NEURL1: variants seen among roughly 807,000 people sequenced by gnomAD.
NEURL1 encodes the protein E3 ubiquitin-protein ligase NEURL1.
NEURL1 carries 26 observed loss-of-function variants against 41.2 expected under a neutral mutation model. That is an observed-to-expected ratio of 0.63 (90% confidence interval 0.46 to 0.87). The LOEUF is 0.87. NEURL1 is among the 40% of genes least tolerant of loss of function. The pLI, the probability that NEURL1 is intolerant of heterozygous loss-of-function variation, is 0.00. For missense variants in NEURL1, 761 were observed against 871.1 expected (o/e 0.87, Z 1.59); for synonymous variants, 400 against 402.3 (o/e 0.99, Z 0.07).
Position 103,589,502 on chromosome 10 carries a change from C to T in NEURL1, c.1340-12C>T. Reference sequence around the variant, plus strand: ...GCAGCTAGTGTGTCCTTCCCTCCCTCCCCTTTCACAGGCTCCACTATCCTG... The same window carrying T: ...GCAGCTAGTGTGTCCTTCCCTCCCTTCCCTTTCACAGGCTCCACTATCCTG... On this transcript the variant is annotated splice_polypyrimidine_tract_variant and intron_variant, in intron 4 of 5. Transcript: ENST00000369780. 1.3e-6 allele frequency: 2 copies of T among 1,586,280 alleles called. No individual in the cohort carries two copies. The highest frequency in any genetic ancestry group is 1.7e-6 in the Non-Finnish European group (2 of 1,164,462).
chr10:103,568,838 G>A (rs1252441205), intron 1 of NEURL1, among the ~76,000 whole-genome samples: 3 of 151,920 alleles, frequency 2.0e-5, no homozygotes, highest in African/African-American at 4.8e-5. Flanking sequence ...GTTTTGAGAC[G>A]GAGTCTTGCT....
intron 4 of NEURL1, among the ~76,000 whole-genome samples, chr10:103,587,757 A>G (rs369568205): frequency 6.6e-6 from 1 of 152,264 alleles, no homozygotes. Context: ...AATTCTGGCC[A>G]ATGCAACAAG....
intron 1 of NEURL1, among the ~76,000 whole-genome samples, chr10:103,544,888 C>T (rs371695994): frequency 2.0e-5 from 3 of 152,308 alleles, no homozygotes; most frequent in South Asian, 4.2e-4. Context: ...GGAGAAGCCA[C>T]GGAGACATTA....
chr10:103,540,612 C>T (rs1435718909), intron 1 of NEURL1, among the ~76,000 whole-genome samples: 1 of 152,122 alleles, frequency 6.6e-6, no homozygotes, highest in East Asian at 1.9e-4. Flanking sequence ...TTTATCACTA[C>T]TTTTTTCTCC....
chr10:103,584,953 G>C lies in NEURL1; in HGVS notation c.1067G>C (p.Gly356Ala). The C allele has an allele frequency of 6.6e-7, 1 of 1,509,116 alleles. No homozygotes were observed. Among genetic ancestry groups the C allele is most frequent in the Non-Finnish European group, 8.8e-7 (1 of 1,137,794 alleles). 93.5% of individuals were successfully genotyped at this position (1,509,116 alleles called of 1,614,324 possible). A position where few individuals can be genotyped will look rare whatever the true frequency, so the allele number is the denominator to read the frequency against. The change falls in exon 4 of 6, where the codon GGC becomes GCC. Residue 356 changes from glycine (G) to alanine (A), a missense_variant. Gly to Ala is a moderately conservative substitution (Grantham distance 60). This residue lies in a region of NEURL1 where 443 missense variants were observed against 408.1 expected (regional missense o/e 1.09). Transcript: ENST00000369780. ...GCGCGGCCCGGCGCGCTGTCGTTCGGCGTCACCACGTGCGACCCCGGCACG... is the reference window on the plus strand; with the variant it reads ...GCGCGGCCCGGCGCGCTGTCGTTCGCCGTCACCACGTGCGACCCCGGCACG... The part of the protein sequence containing the change: ...GGARPGALSF[G>A]VTTCDPGTLR...
chr10:103,583,544 G>A (rs1047618261), intron 3 of NEURL1, among the ~76,000 whole-genome samples: 1 of 151,226 alleles, frequency 6.6e-6, no homozygotes, highest in African/African-American at 2.4e-5. Flanking sequence ...GCGAAATACC[G>A]TCTCTACCCC....
At chr10:103,586,736 G>T (rs2035932095) in intron 4 of NEURL1, among the ~76,000 whole-genome samples, 1 of 152,134 alleles carries the variant, frequency 6.6e-6, no homozygotes. Context: ...AATGAAGATG[G>T]AGTGAAACAT....
chr10:103,512,336 G>T (rs2034091756), intron 1 of NEURL1, among the ~76,000 whole-genome samples: 1 of 152,232 alleles, frequency 6.6e-6, no homozygotes, highest in East Asian at 1.9e-4. Flanking sequence ...AGCCACCTAT[G>T]TGTAGCCATG....
chr10:103,494,846 A>C, intron 1 of NEURL1: 2 of 239,410 alleles, frequency 8.4e-6, no homozygotes, highest in Non-Finnish European at 1.6e-5. Flanking sequence ...TCTCCTTTCC[A>C]TCGGCCCTAG....
rs746993610 is a variant in NEURL1, at chr10:103,584,737, G to A, written c.851G>A (p.Arg284His). 3 of 1,466,068 alleles carry A rather than the reference G, an allele frequency of 2.0e-6. No homozygotes were observed. Among genetic ancestry groups the A allele is most frequent in the Non-Finnish European group, 2.7e-6 (3 of 1,114,360 alleles). 90.8% of individuals were successfully genotyped at this position (1,466,068 alleles called of 1,614,324 possible). The change falls in exon 4 of 6, where the codon CGC (arginine) becomes CAC (histidine). Residue 284 changes from arginine to histidine, a missense_variant. Arg to His is a conservative substitution (Grantham distance 29). Transcript: ENST00000369780. ...PQNSLNSQHS[R>H]ALPAQLDGDL... ...AACTCACTCAACTCGCAGCACAGCC[G>A]CGCGCTGCCGGCGCAGCTCGACGGC... is the stretch of plus-strand genomic sequence containing the variant.
Position 103,591,400 on chromosome 10 carries a change from T to A in NEURL1, c.*1028T>A, listed in dbSNP as rs1282689199. 2 of 152,280 alleles carry A rather than the reference T, an allele frequency of 1.3e-5. No homozygotes were observed. Among genetic ancestry groups the A allele is most frequent in the Non-Finnish European group, 2.9e-5 (2 of 68,104 alleles). The allele number at this position is 152,280 out of a possible 1,614,324, so 9.4% of individuals were successfully genotyped here. A position where few individuals can be genotyped will look rare whatever the true frequency, so the allele number is the denominator to read the frequency against. On this transcript the variant is annotated 3_prime_UTR_variant, in exon 6 of 6. Coordinates refer to ENST00000369780, the MANE Select transcript of NEURL1 (RefSeq NM_004210.5). The stretch of plus-strand genomic sequence containing the variant: ...GCCTTTTTCCTCAGTTTAATTAATT[T>A]ATTTATTTGGTTTGTGGTTTTGGGT...
In NEURL1 at chr10:103,584,990, C is replaced by G; in HGVS notation, c.1104C>G (p.Ala368=). The G allele has an allele frequency of 1.9e-6, 3 of 1,545,896 alleles. No homozygotes were observed. Among genetic ancestry groups the G allele is most frequent in the Non-Finnish European group, 2.6e-6 (3 of 1,155,860 alleles). Residue 368 remains alanine, a synonymous_variant, in exon 4 of 6, where the codon GCC becomes GCG. Transcript: ENST00000369780. ...GCGACCCCGGCACGCTGCGGCCGGC[C>G]GACCTGCCTTTCAGCCCTGAGGCCC... The part of the protein sequence containing the change: ...TTCDPGTLRP[A]DLPFSPEALV...
Position 103,571,548 on chromosome 10 carries a change from C to G in NEURL1, c.375C>G (p.Phe125Leu), listed in dbSNP as rs772994266. 1 of 1,611,820 alleles carries G rather than the reference C, an allele frequency of 6.2e-7. No individual in the cohort carries two copies. Among genetic ancestry groups the G allele is most frequent in the South Asian group, 1.1e-5 (1 of 91,032 alleles). The change falls in exon 3 of 6, where the codon TTC becomes TTG. Residue 125 changes from phenylalanine to leucine, a missense_variant. Physicochemically the swap from Phe to Leu is conservative, Grantham distance 22 (BLOSUM62 0). Around this residue, in one of 5 missense-constraint regions of NEURL1, gnomAD observed 65 missense variants for 131.6 expected, o/e 0.49. Coordinates refer to ENST00000369780, the MANE Select transcript of NEURL1 (RefSeq NM_004210.5). ...CCWSGALRLG[F>L]TSKDPSRIHP... ...GGAGCGGGGCCCTGCGGCTGGGCTT[C>G]ACCAGCAAGGACCCGTCCCGCATCC...
intron 1 of NEURL1, among the ~76,000 whole-genome samples, chr10:103,506,653 G>A (rs765823820): frequency 5.3e-5 from 8 of 151,578 alleles, no homozygotes; most frequent in Non-Finnish European, 7.4e-5. Context: ...TCCACCTCCC[G>A]GGTTCAAGCG....
At chr10:103,496,181 G>A (rs539143152) in intron 1 of NEURL1, among the ~76,000 whole-genome samples, 1 of 152,150 alleles carries the variant, frequency 6.6e-6, no homozygotes, top group Non-Finnish European at 1.5e-5. Context: ...TAAGGAAGTG[G>A]AGATGCAGGA....
intron 1 of NEURL1, among the ~76,000 whole-genome samples, chr10:103,528,823 T>G (rs894033304): frequency 5.3e-5 from 8 of 152,220 alleles, no homozygotes; most frequent in Admixed American, 5.2e-4. Context: ...AACTGGGAAC[T>G]TCCCAGGAAC....
chr10:103,532,689 GA>G (rs2034596074), intron 1 of NEURL1, among the ~76,000 whole-genome samples: 1 of 151,702 alleles, frequency 6.6e-6, no homozygotes, highest in East Asian at 1.9e-4. Context: ...GCTGTTTTTA[GA>G]ATTCTCTTTT....
Position 103,589,625 on chromosome 10 carries a change from C to T in NEURL1, c.1451C>T (p.Thr484Met), listed in dbSNP as rs762189690. Residue 484 changes from threonine to methionine, a missense_variant, in exon 5 of 6, where the codon ACG becomes ATG. Thr to Met is a moderately conservative substitution (Grantham distance 81). Around this residue, in one of 5 missense-constraint regions of NEURL1, gnomAD observed 443 missense variants for 408.1 expected, o/e 1.09. Coordinates refer to ENST00000369780, the MANE Select transcript of NEURL1 (RefSeq NM_004210.5). Reference sequence around the variant, plus strand: ...CGCCTGTCTGACCCCTTGCTCAGCACGTGCAGCTCTGGCCCTCTGGGTAGC... The same window carrying T: ...CGCCTGTCTGACCCCTTGCTCAGCATGTGCAGCTCTGGCCCTCTGGGTAGC... ...GSRLSDPLLS[T>M]CSSGPLGSSA... is the part of the protein sequence containing the mutation. 3.1e-5 allele frequency: 50 copies of T among 1,613,510 alleles called. No individual in the cohort carries two copies. Among genetic ancestry groups the T allele is most frequent in the Non-Finnish European group, 4.2e-5 (49 of 1,179,740 alleles).
Position 103,584,489 on chromosome 10 carries a change from C to T in NEURL1, c.650-47C>T. 2.4e-6 allele frequency: 3 copies of T among 1,241,912 alleles called. No individual in the cohort carries two copies. The South Asian group carries it at 7.7e-5, about 32-fold the overall frequency. 76.9% of individuals were successfully genotyped at this position (1,241,912 alleles called of 1,614,324 possible). A position where few individuals can be genotyped will look rare whatever the true frequency, so the allele number is the denominator to read the frequency against. On this transcript the variant is annotated intron_variant, in intron 3 of 5. Coordinates refer to ENST00000369780, the MANE Select transcript of NEURL1 (RefSeq NM_004210.5). ...ACCGGACAGCGGGGCGCGCCGGGGC[C>T]GCCTCCCGAGAGCCCTGCGTGACAC... is the stretch of plus-strand genomic sequence containing the variant.
Sources: allele counts gnomAD v4.1 joint callset (sites outside exome capture counted in the v4.1 genomes callset), GRCh38; gene constraint gnomAD v4.1.1; regional missense constraint gnomAD v4.1.1; transcripts MANE v1.5; gene names NCBI Gene and HGNC (gene_info 2026-07-23, HGNC 2026-07-21).